The following ZNF423 variants were observed in gnomAD, a reference collection of about 807,000 sequenced individuals.
The protein encoded by ZNF423 is zinc finger protein 423.
ZNF423 carries 12 observed loss-of-function variants against 95.8 expected under a neutral mutation model. That is an observed-to-expected ratio of 0.13 (90% CI 0.08 to 0.20). The LOEUF is 0.20. ZNF423 is among the 10% of genes least tolerant of loss of function. The pLI is 1.00. For synonymous variants in ZNF423, 749 were observed against 711.9 expected (o/e 1.05, Z -0.83); for missense variants, 1,316 against 1,737.1 (o/e 0.76, Z 4.31).
intron 1 of ZNF423, among the ~76,000 whole-genome samples, chr16:49,821,465 G>C (rs991230129): frequency 1.8e-4 from 28 of 152,150 alleles, no homozygotes; most frequent in African/African-American, 5.3e-4. Flanking sequence ...AAGCTTAAGT[G>C]GAGGAAGCTT....
chr16:49,767,237 A>C (rs1366066781), intron 2 of ZNF423, among the ~76,000 whole-genome samples: 1 of 152,144 alleles, frequency 6.6e-6, no homozygotes, highest in Admixed American at 6.5e-5. Context: ...CTTACAGGCC[A>C]CCGTGCCTGG....
intron 2 of ZNF423, among the ~76,000 whole-genome samples, chr16:49,762,089 G>T (rs2033842690): frequency 1.3e-5 from 2 of 152,226 alleles, no homozygotes; most frequent in South Asian, 4.1e-4. Context: ...TGGGATTACA[G>T]GCATGAGCCA....
intron 3 of ZNF423, among the ~76,000 whole-genome samples, chr16:49,665,639 A>T (rs913414756): frequency 2.6e-5 from 4 of 152,236 alleles, no homozygotes; most frequent in Middle Eastern, 3.4e-3. Context: ...CCTCACTCTC[A>T]GCCACAGTGG....
intron 5 of ZNF423, among the ~76,000 whole-genome samples, chr16:49,531,799 C>T (rs1212367920): frequency 6.6e-6 from 1 of 152,116 alleles, no homozygotes; most frequent in Non-Finnish European, 1.5e-5. Context: ...TGGAGGATGA[C>T]CATGGGAGCC....
intron 1 of ZNF423, among the ~76,000 whole-genome samples, chr16:49,800,577 C>T (rs1302227758): frequency 8.2e-5 from 4 of 48,786 alleles, no homozygotes; most frequent in Non-Finnish European, 1.5e-4. Context: ...CTGGACATGA[C>T]ACACACACAC....
intron 1 of ZNF423, among the ~76,000 whole-genome samples, chr16:49,792,137 T>C (rs1009645660): frequency 1.3e-5 from 2 of 151,958 alleles, no homozygotes; most frequent in Non-Finnish European, 1.5e-5. Flanking sequence ...ATTGATTTAG[T>C]CATCTGCAGG....
intron 3 of ZNF423, among the ~76,000 whole-genome samples, chr16:49,656,665 T>A (rs1308371764): frequency 6.6e-6 from 1 of 152,228 alleles, no homozygotes; most frequent in Non-Finnish European, 1.5e-5. Context: ...AATTAATAGA[T>A]TATACTTTGT....
chr16:49,610,119 T>C (rs71382762), intron 5 of ZNF423, among the ~76,000 whole-genome samples: 7,557 of 152,156 alleles, frequency 0.05, 227 homozygotes, highest in Non-Finnish European at 0.071. Flanking sequence ...CAAGGGAAAA[T>C]TGAGATACTC....
intron 6 of ZNF423, among the ~76,000 whole-genome samples, chr16:49,524,386 T>C (rs1308929763): frequency 6.6e-6 from 1 of 152,210 alleles, no homozygotes; most frequent in Non-Finnish European, 1.5e-5. Flanking sequence ...CCCCATGTCC[T>C]GGGTTGGCAG....
At chr16:49,742,107 C>G (rs2033425786) in intron 2 of ZNF423, among the ~76,000 whole-genome samples, 1 of 152,256 alleles carries the variant, frequency 6.6e-6, no homozygotes, top group African/African-American at 2.4e-5. Flanking sequence ...CCATACACAG[C>G]TCCATGACCA....
intron 5 of ZNF423, among the ~76,000 whole-genome samples, chr16:49,625,014 G>A (rs1972210300): frequency 6.6e-6 from 1 of 152,244 alleles, no homozygotes; most frequent in Admixed American, 6.5e-5. Flanking sequence ...TTGTAAACCA[G>A]TACTCCGATG....
At chr16:49,515,230 C>T (rs977994323) in intron 7 of ZNF423, among the ~76,000 whole-genome samples, 1 of 152,260 alleles carries the variant, frequency 6.6e-6, no homozygotes, top group Non-Finnish European at 1.5e-5. Flanking sequence ...TGGCCCCGCG[C>T]GCACAGGCCC....
chr16:49,514,214 G>GCACACACACA (rs1968032242), intron 7 of ZNF423, among the ~76,000 whole-genome samples: 1 of 35,446 alleles, frequency 2.8e-5, no homozygotes, highest in South Asian at 5.3e-4. Context: ...ACACACACAT[G>GCACACACACA]CACACGCACA....
chr16:49,634,029 CGTGA>C (rs1323229233), intron 4 of ZNF423, among the ~76,000 whole-genome samples: 1 of 151,602 alleles, frequency 6.6e-6, no homozygotes, highest in Non-Finnish European at 1.5e-5. Context: ...GCCTCAGCCT[CGTGA>C]GTATCTGGGA....
intron 5 of ZNF423, among the ~76,000 whole-genome samples, chr16:49,564,880 C>T (rs908393458): frequency 3.9e-5 from 6 of 152,252 alleles, no homozygotes; most frequent in African/African-American, 1.4e-4. Flanking sequence ...CTGGGCAGGA[C>T]ACCTCCACCA....
intron 3 of ZNF423, among the ~76,000 whole-genome samples, chr16:49,713,124 C>A (rs750574829): frequency 6.6e-6 from 1 of 152,216 alleles, no homozygotes; most frequent in African/African-American, 2.4e-5. Flanking sequence ...CAGAGCAAGA[C>A]CAAAGTGCTG....
chr16:49,660,073 A>G (rs2030124603), intron 3 of ZNF423, among the ~76,000 whole-genome samples: 1 of 152,158 alleles, frequency 6.6e-6, no homozygotes, highest in Non-Finnish European at 1.5e-5. Flanking sequence ...TCTTCCAAGA[A>G]TGTGATTAAG....
At position 49,752,212 on chromosome 16, in the gene ZNF423, T is replaced by G. The variant is rs186659159; in HGVS notation, c.101-21241A>C. Among the ~76,000 whole-genome samples the G allele has an allele frequency of 8.7e-3, 1,325 of 152,344 alleles. 74 individuals carry two copies. Among genetic ancestry groups the G allele is most frequent in the Admixed American group, 0.081 (1,233 of 15,312 alleles). ...GGCCCAGGAAGGCATTGCAAACAGG[T>G]GGCCTGATGCCTCGCCTGGCTTCCA... is the stretch of plus-strand genomic sequence containing the variant. On this transcript the variant is annotated intron_variant, in intron 2 of 7. Transcript: ENST00000563137.
chr16:49,826,753 G>C (rs1326138979), intron 1 of ZNF423: 1 of 152,168 alleles, frequency 6.6e-6, no homozygotes, highest in East Asian at 1.9e-4. Context: ...TCCAGCTGTT[G>C]ATGACTTACC....
Sources: gnomAD v4.1 joint callset for allele counts (sites outside exome capture counted in the v4.1 genomes callset) on GRCh38, gnomAD v4.1.1 for gene constraint, MANE v1.5 for transcripts, NCBI Gene and HGNC (gene_info 2026-07-23, HGNC 2026-07-21) for gene names.